CFAP77: variants seen among roughly 807,000 people sequenced by gnomAD.
CFAP77 encodes cilia and flagella associated protein 77, also known as cilia- and flagella-associated protein 77.
In CFAP77, 25 loss-of-function variants were observed where a neutral mutation model predicts 31.1. That is an observed-to-expected ratio of 0.80 (90% confidence interval 0.59 to 1.12). CFAP77 has a LOEUF of 1.12. Ranked by LOEUF, CFAP77 falls within the 50% of genes most tolerant of loss-of-function variation. The probability of loss-of-function intolerance (pLI) is 0.00; values close to 1 mark genes in which losing one functional copy is unlikely to be tolerated. For synonymous variants in CFAP77, 151 were observed against 159.9 expected (o/e 0.94, Z 0.42); for missense variants, 377 against 397.3 (o/e 0.95, Z 0.44).
At chr9:132,429,252 C>G (rs1408876302) in intron 1 of CFAP77, among the ~76,000 whole-genome samples, 1 of 151,730 alleles carries the variant, frequency 6.6e-6, no homozygotes, top group East Asian at 1.9e-4. Context: ...TTTAATGTCT[C>G]CTTTCCAGCC....
chr9:132,522,216 G>C (rs10751492), intron 3 of CFAP77, among the ~76,000 whole-genome samples: 67,295 of 151,610 alleles, frequency 0.44, 15,522 homozygotes, highest in East Asian at 0.77. Flanking sequence ...TGGCCTCTAT[G>C]TGCACCTGGC....
chr9:132,412,625 T>G (rs78687392), intron 1 of CFAP77, among the ~76,000 whole-genome samples: 3 of 151,850 alleles, frequency 2.0e-5, no homozygotes, highest in Non-Finnish European at 4.4e-5. Context: ...TGCTTTTTTT[T>G]TTTTGTTTGT....
chr9:132,476,370 C>T (rs1428589509), intron 1 of CFAP77, among the ~76,000 whole-genome samples: 1 of 152,158 alleles, frequency 6.6e-6, no homozygotes, highest in Non-Finnish European at 1.5e-5. Context: ...GAGCTGTCTT[C>T]AGTCTCTGGG....
At chr9:132,467,576 G>A (rs1054442390) in intron 1 of CFAP77, among the ~76,000 whole-genome samples, 2 of 152,188 alleles carry the variant, frequency 1.3e-5, no homozygotes, top group Non-Finnish European at 2.9e-5. Flanking sequence ...GGGACTATAT[G>A]TTGTTTGTTC....
chr9:132,411,074 G>A (rs1318151471), intron 1 of CFAP77, among the ~76,000 whole-genome samples: 1 of 152,226 alleles, frequency 6.6e-6, no homozygotes, highest in African/African-American at 2.4e-5. Flanking sequence ...TTTCGGGCTG[G>A]ATCACTTTCC....
At chr9:132,457,612 G>A (rs895761178) in intron 1 of CFAP77, among the ~76,000 whole-genome samples, 1 of 152,190 alleles carries the variant, frequency 6.6e-6, no homozygotes, top group Non-Finnish European at 1.5e-5. Context: ...AAAAACTCTC[G>A]CCTTGTTGCT....
chr9:132,432,815 G>A (rs980177988), intron 1 of CFAP77, among the ~76,000 whole-genome samples: 27 of 152,242 alleles, frequency 1.8e-4, no homozygotes, highest in Non-Finnish European at 2.6e-4. Flanking sequence ...CCGGGTTCAC[G>A]CCATTCTCCT....
chr9:132,537,542 G>C (rs1373064851), intron 3 of CFAP77, 59 bp from the exon 4 acceptor site: 2 of 1,312,126 alleles, frequency 1.5e-6, no homozygotes, highest in Non-Finnish European at 1.1e-6. Flanking sequence ...GGGCGGTGGG[G>C]AGCGGGTGCC....
intron 3 of CFAP77, among the ~76,000 whole-genome samples, chr9:132,523,122 C>A (rs561469268): frequency 6.7e-6 from 1 of 148,910 alleles, no homozygotes; most frequent in African/African-American, 2.5e-5. Context: ...GGGTTTCACT[C>A]TGTTGTCCAG....
intron 1 of CFAP77, among the ~76,000 whole-genome samples, chr9:132,459,141 G>T (rs1207156163): frequency 2.0e-5 from 3 of 147,498 alleles, no homozygotes; most frequent in Non-Finnish European, 4.4e-5. Context: ...GCGTTATCTT[G>T]GCTCACTGCA....
At chr9:132,529,729 C>G (rs1269992300) in intron 3 of CFAP77, among the ~76,000 whole-genome samples, 3 of 150,566 alleles carry the variant, frequency 2.0e-5, no homozygotes, top group Non-Finnish European at 4.4e-5. Flanking sequence ...GGGAGGCTGA[C>G]ACAGGAGAGT....
At chr9:132,430,180 T>G (rs1850388420) in intron 1 of CFAP77, among the ~76,000 whole-genome samples, 1 of 152,142 alleles carries the variant, frequency 6.6e-6, no homozygotes, top group Admixed American at 6.5e-5. Context: ...TCATAAATTT[T>G]TTAAAATTTC....
At chr9:132,428,618 A>G (rs1255572572) in intron 1 of CFAP77, among the ~76,000 whole-genome samples, 1 of 152,144 alleles carries the variant, frequency 6.6e-6, no homozygotes, top group Non-Finnish European at 1.5e-5. Flanking sequence ...CTGTCTCAAA[A>G]AACAAACAAA....
intron 1 of CFAP77, among the ~76,000 whole-genome samples, chr9:132,459,262 G>A (rs555920008): frequency 6.6e-6 from 1 of 151,924 alleles, no homozygotes. Flanking sequence ...TAGTAGAGAC[G>A]GGGTTTCACC....
chr9:132,549,507 A>G (rs1852790861), intron 5 of CFAP77, among the ~76,000 whole-genome samples: 2 of 152,168 alleles, frequency 1.3e-5, no homozygotes, highest in South Asian at 4.1e-4. Flanking sequence ...TTCTACATGG[A>G]TCAGTATGCC....
At chr9:132,461,929 G>C (rs892348214) in intron 1 of CFAP77, among the ~76,000 whole-genome samples, 2 of 152,182 alleles carry the variant, frequency 1.3e-5, no homozygotes, top group African/African-American at 4.8e-5. Flanking sequence ...GTCCTTTCCA[G>C]TTTTCTCTGC....
rs1205306797 is a variant in CFAP77, at chr9:132,537,619, T to G, written c.543T>G (p.Phe181Leu). 2 of 1,612,764 alleles carry G rather than the reference T, an allele frequency of 1.2e-6. No individual in the cohort carries two copies. The highest frequency in any genetic ancestry group is 2.2e-5 in the South Asian group (2 of 90,732). The change falls in exon 4 of 6, where the codon TTT (phenylalanine) becomes TTG (leucine). Residue 181 changes from phenylalanine (F) to leucine (L), a missense_variant. By Grantham distance (22) the Phe-to-Leu change is conservative. Transcript: ENST00000393216. The stretch of plus-strand genomic sequence containing the variant: ...CCTCCAGGCCTTCCACACCCTTCTT[T>G]GATCTGCTGCAGCACCGGTACCTGC... ...GIRARPSTPF[F>L]DLLQHRYLQL...
intron 1 of CFAP77, among the ~76,000 whole-genome samples, chr9:132,445,146 G>A (rs1188379082): frequency 6.6e-6 from 1 of 151,782 alleles, no homozygotes; most frequent in Non-Finnish European, 1.5e-5. Flanking sequence ...GCTAATTTTT[G>A]TATTTTTAGT....
chr9:132,561,627 ACAC>A (rs1829808562), intron 5 of CFAP77, among the ~76,000 whole-genome samples: 1 of 120,506 alleles, frequency 8.3e-6, no homozygotes, highest in African/African-American at 4.1e-5. Context: ...ACACACACAC[ACAC>A]ACACACACAC....
Sources: gnomAD v4.1 joint callset for allele counts (sites outside exome capture counted in the v4.1 genomes callset) on GRCh38, gnomAD v4.1.1 for gene constraint, MANE v1.5 for transcripts, NCBI Gene and HGNC (gene_info 2026-07-23, HGNC 2026-07-21) for gene names.